HTR3C: variants seen among roughly 807,000 people sequenced by gnomAD.
The protein encoded by HTR3C is 5-HT3-C.
In HTR3C, 32 loss-of-function variants were observed where a neutral mutation model predicts 40.5. The observed-to-expected ratio is 0.79, with a 90% CI of 0.60 to 1.06. The LOEUF (loss-of-function observed/expected upper bound fraction) is 1.06. HTR3C is among the 50% of genes least tolerant of loss of function. HTR3C has a pLI of 0.00. For synonymous variants in HTR3C, 209 were observed against 217.1 expected (o/e 0.96, Z 0.33); for missense variants, 523 against 556.8 (o/e 0.94, Z 0.61).
intron 2 of HTR3C, 33 bp downstream of exon 2, chr3:184,054,920 T>G: frequency 6.4e-7 from 1 of 1,570,628 alleles, no homozygotes; most frequent in South Asian, 1.2e-5. Context: ...TTTCCATGGC[T>G]TCTAATAAGG....
In HTR3C at chr3:184,058,472, C is replaced by T; in HGVS notation, c.605C>T (p.Thr202Ile). 1 of 1,613,276 alleles carries T rather than the reference C, an allele frequency of 6.2e-7. No homozygotes were observed. The highest frequency in any genetic ancestry group is 8.5e-7 in the Non-Finnish European group (1 of 1,179,666). Residue 202 changes from threonine (T) to isoleucine (I), a missense_variant, in exon 6 of 9, where the codon ACA (threonine) becomes ATA (isoleucine). Physicochemically the swap from Thr to Ile is moderately conservative, Grantham distance 89. Coordinates refer to ENST00000318351, the MANE Select transcript of HTR3C (RefSeq NM_130770.3). ...LGMDKEVWEI[T>I]DTSRKVIQTQ... ...ATGGACAAGGAGGTGTGGGAGATCA[C>T]AGACACGTCTCGCAAAGTCATCCAA... is the stretch of plus-strand genomic sequence containing the variant.
At position 184,060,247 on chromosome 3, in the gene HTR3C, G is replaced by C; in HGVS notation, c.1239G>C (p.Glu413Asp). The change falls in exon 9 of 9, where the codon GAG becomes GAC. Residue 413 changes from glutamate to aspartate, a missense_variant. Physicochemically the swap from Glu to Asp is conservative, Grantham distance 45. Transcript: ENST00000318351. The part of the protein sequence containing the change: ...GSGWTKTQLM[E>D]LWVQFSHAMD... ...GATGGACAAAGACCCAGCTAATGGAGCTGTGGGTGCAGTTCAGCCACGCGA... is the reference window on the plus strand; with the variant it reads ...GATGGACAAAGACCCAGCTAATGGACCTGTGGGTGCAGTTCAGCCACGCGA... 3.7e-6 allele frequency: 6 copies of C among 1,614,162 alleles called. No homozygotes were observed. The highest frequency in any genetic ancestry group is 5.1e-6 in the Non-Finnish European group (6 of 1,180,042).
intron 3 of HTR3C, among the ~76,000 whole-genome samples, 160 bp downstream of exon 3, chr3:184,055,516 C>T (rs1219948507): frequency 2.0e-5 from 3 of 152,060 alleles, no homozygotes; most frequent in African/African-American, 7.2e-5. Context: ...GAGTTCGAGA[C>T]CAGCCTGGCC....
At position 184,054,763 on chromosome 3, in the gene HTR3C, A is replaced by G; in HGVS notation, c.110A>G (p.Gln37Arg). Residue 37 changes from glutamine to arginine, a missense_variant, in exon 2 of 9, where the codon CAG (glutamine) becomes CGG (arginine). Gln to Arg is a conservative substitution (Grantham distance 43). Coordinates refer to ENST00000318351, the MANE Select transcript of HTR3C (RefSeq NM_130770.3). The stretch of plus-strand genomic sequence containing the variant: ...ACCATCAATTGCTCAGGCTTTGACC[A>G]GCATGGGGTTGACCCTGCTGTCTTC... The part of the protein sequence containing the change: ...AFTINCSGFD[Q>R]HGVDPAVFQA... 6.2e-7 allele frequency: 1 copy of G among 1,611,330 alleles called. No homozygotes were observed. Among genetic ancestry groups the G allele is most frequent in the Middle Eastern group, 1.7e-4 (1 of 6,038 alleles).
Position 184,060,320 on chromosome 3 carries a change from A to G in HTR3C, c.1312A>G (p.Ile438Val). Reference protein sequence around the residue: ...RLYLLFMASSILTVIVLWNT With the variant: ...RLYLLFMASSVLTVIVLWNT Reference sequence around the variant, plus strand: ...CTACCTGCTCTTCATGGCCTCCTCCATCCTTACTGTCATTGTCCTCTGGAA... The same window carrying G: ...CTACCTGCTCTTCATGGCCTCCTCCGTCCTTACTGTCATTGTCCTCTGGAA... The change falls in exon 9 of 9, where the codon ATC (isoleucine) becomes GTC (valine). Residue 438 changes from isoleucine to valine, a missense_variant. Ile to Val is a conservative substitution (Grantham distance 29). Transcript: ENST00000318351. The G allele has an allele frequency of 1.2e-6, 2 of 1,613,922 alleles. No homozygotes were observed. The highest frequency in any genetic ancestry group is 2.2e-5 in the South Asian group (2 of 91,074).
Position 184,060,505 on chromosome 3 carries a change from G to C in HTR3C, c.*153G>C. On this transcript the variant is annotated 3_prime_UTR_variant, in exon 9 of 9. Transcript: ENST00000318351. ...GACTCCAACGCAGCACTAGCAAGCA[G>C]GTTCGGGACAGCCCTGGACGATTTC... 1.0e-6 allele frequency: 1 copy of C among 972,170 alleles called. No homozygotes were observed. The highest frequency in any genetic ancestry group is 2.5e-5 in the East Asian group (1 of 39,890). 60.2% of individuals were successfully genotyped at this position (972,170 alleles called of 1,614,324 possible). A position where few individuals can be genotyped will look rare whatever the true frequency, so the allele number is the denominator to read the frequency against.
chr3:184,053,624 A>G (rs1723266638), intron 1 of HTR3C, among the ~76,000 whole-genome samples: 1 of 152,210 alleles, frequency 6.6e-6, no homozygotes, highest in Non-Finnish European at 1.5e-5. Context: ...AGATAGAGAG[A>G]AGGAGGCAGA....
At chr3:184,056,495 C>T (rs1723329390) in intron 4 of HTR3C, among the ~76,000 whole-genome samples, 1 of 152,078 alleles carries the variant, frequency 6.6e-6, no homozygotes, top group Admixed American at 6.6e-5. Context: ...GCCTGTAATC[C>T]CAGCACTTTG....
intron 5 of HTR3C, 97 bp downstream of exon 5, chr3:184,057,141 A>C (rs1180375576): frequency 2.3e-6 from 2 of 860,132 alleles, no homozygotes; most frequent in African/African-American, 3.4e-5. Context: ...GTGTTGCTCC[A>C]CTCCGGTGGC....
intron 5 of HTR3C, among the ~76,000 whole-genome samples, 196 bp downstream of exon 5, chr3:184,057,240 A>G (rs1388790235): frequency 2.0e-5 from 3 of 152,176 alleles, no homozygotes; most frequent in African/African-American, 7.2e-5. Context: ...AAGGTGGGAC[A>G]AACGCTTGTG....
At chr3:184,054,314 T>G (rs1019772772) in intron 1 of HTR3C, among the ~76,000 whole-genome samples, 1 of 152,132 alleles carries the variant, frequency 6.6e-6, no homozygotes, top group Non-Finnish European at 1.5e-5. Flanking sequence ...TCCTAAGAGT[T>G]AGAGAGAGAA....
chr3:184,053,276 T>C, intron 1 of HTR3C, 129 bp downstream of exon 1: 2 of 686,062 alleles, frequency 2.9e-6, no homozygotes, highest in Non-Finnish European at 5.1e-6. Context: ...GTGTCCTGAT[T>C]TCCTTTTGGT....
In HTR3C at chr3:184,059,594, G is replaced by C. The variant is rs1723401515; in HGVS notation, c.879G>C (p.Leu293=). 2 of 1,614,062 alleles carry C rather than the reference G, an allele frequency of 1.2e-6. No homozygotes were observed. The highest frequency in any genetic ancestry group is 4.5e-5 in the East Asian group (2 of 44,874). ...TTCTGCTGGGCTACAACGTCTTCCT[G>C]CTCATGATGAATGACTTGCTCCCTG... ...ITLLLGYNVF[L]LMMNDLLPAS... is the part of the protein sequence containing the mutation. The change falls in exon 7 of 9, where the codon CTG becomes CTC. Residue 293 remains leucine (L), a synonymous_variant. Transcript: ENST00000318351.
chr3:184,055,125 AAGT>A (rs1723298551), intron 2 of HTR3C, among the ~76,000 whole-genome samples, 184 bp from the exon 3 acceptor site: 1 of 152,200 alleles, frequency 6.6e-6, no homozygotes, highest in Non-Finnish European at 1.5e-5. Flanking sequence ...CTCTAGAAAA[AAGT>A]AGTCTGTATA....
Position 184,059,840 on chromosome 3 carries a change from C to T in HTR3C, c.938C>T (p.Ala313Val), listed in dbSNP as rs551703132. ...SGTPLISVYFALCLSLMVVSL... is the reference protein window; with the variant it reads ...SGTPLISVYFVLCLSLMVVSL... ...GCTCTGCCCTCAGGTGTCTACTTCG[C>T]CCTGTGCCTGTCCCTGATGGTGGTC... is the stretch of plus-strand genomic sequence containing the variant. The change falls in exon 8 of 9, where the codon GCC becomes GTC. Residue 313 changes from alanine (A) to valine (V), a missense_variant. Ala to Val is a moderately conservative substitution (Grantham distance 64). Transcript: ENST00000318351. The T allele has an allele frequency of 1.2e-6, 2 of 1,613,984 alleles. No homozygotes were observed. The highest frequency in any genetic ancestry group is 1.7e-5 in the Admixed American group (1 of 60,000).
In HTR3C at chr3:184,054,701, G is replaced by A. The variant is rs781571969; in HGVS notation, c.68-20G>A. ...CCTGGAAATAGAGTCCCTCTCTCAC[G>A]GAGTCTCTGCTCTCTATAGGAAGAG... On this transcript the variant is annotated intron_variant, in intron 1 of 8. Coordinates refer to ENST00000318351, the MANE Select transcript of HTR3C (RefSeq NM_130770.3). 1.1e-5 allele frequency: 17 copies of A among 1,540,660 alleles called. No individual in the cohort carries two copies. Among genetic ancestry groups the A allele is most frequent in the South Asian group, 6.3e-5 (5 of 79,426 alleles).
At chr3:184,057,076 G>C (rs1553797578) in intron 5 of HTR3C, 32 bp downstream of exon 5, 1 of 1,462,764 alleles carries the variant, frequency 6.8e-7, no homozygotes, top group Non-Finnish European at 9.1e-7. Context: ...AGCTGTTTAA[G>C]ATTCAGGGAA....
Position 184,059,922 on chromosome 3 carries a change from C to T in HTR3C, c.1020C>T (p.Pro340=). The change falls in exon 8 of 9, where the codon CCC becomes CCT. Residue 340 remains proline (P), a synonymous_variant. Transcript: ENST00000318351. ...TYLLHVATTQ[P]PPMPRWLHSL... ...TGCTGCACGTGGCCACCACCCAGCC[C>T]CCACCCATGCCTAGGTGGCTTCACT... is the stretch of plus-strand genomic sequence containing the variant. The T allele has an allele frequency of 6.2e-7, 1 of 1,613,916 alleles. No homozygotes were observed. The highest frequency in any genetic ancestry group is 8.5e-7 in the Non-Finnish European group (1 of 1,180,012).
rs1417492779 is a variant in HTR3C, at chr3:184,058,897, C to T, written c.720+310C>T. The stretch of plus-strand genomic sequence containing the variant: ...AGGAGAATCACTTGAACCCAGGAGG[C>T]GGAGGCTGCAGTGAGCTGAGATAAT... On this transcript the variant is annotated intron_variant, in intron 6 of 8. Coordinates refer to ENST00000318351, the MANE Select transcript of HTR3C (RefSeq NM_130770.3). Among the ~76,000 whole-genome samples, 7 of 152,050 alleles carry T rather than the reference C, an allele frequency of 4.6e-5. 1 individual carries two copies. Among genetic ancestry groups the T allele is most frequent in the Non-Finnish European group, 7.4e-5 (5 of 68,012 alleles).
Sources: gnomAD v4.1 joint callset for allele counts (sites outside exome capture counted in the v4.1 genomes callset) on GRCh38, gnomAD v4.1.1 for gene constraint, MANE v1.5 for transcripts, NCBI Gene and HGNC (gene_info 2026-07-23, HGNC 2026-07-21) for gene names.